Variants in MDGA2 observed in about 807,000 individuals in gnomAD.
MDGA2 encodes MAM domain containing glycosylphosphatidylinositol anchor 2, also known as MAM domain-containing glycosylphosphatidylinositol anchor protein 2.
Under a neutral mutation model 117.8 loss-of-function variants are expected in MDGA2, and 40 were observed. The observed-to-expected ratio is 0.34, with a 90% CI of 0.26 to 0.44. The LOEUF (loss-of-function observed/expected upper bound fraction) is 0.44. Among genes scored for constraint, MDGA2 ranks in the 20% least tolerant of loss-of-function variants. MDGA2 has a pLI of 1.00. For missense variants in MDGA2, 1,123 were observed against 1,250.6 expected, an observed-to-expected ratio of 0.90 and a Z score of 1.54; for synonymous variants, 452 against 439.0, an observed-to-expected ratio of 1.03 and a Z score of -0.37.
Position 47,274,262 on chromosome 14 carries a change from C to T in MDGA2, c.420+27149G>A, listed in dbSNP as rs557579453. On this transcript the variant is annotated intron_variant, in intron 2 of 16. Transcript: ENST00000399232. Reference sequence around the variant, plus strand: ...TTTCCCCAACCCCACCAGCCCTAAACGACCACTATTTACTTTATGTCTGTA... The same window carrying T: ...TTTCCCCAACCCCACCAGCCCTAAATGACCACTATTTACTTTATGTCTGTA... Among the ~76,000 whole-genome samples the T allele has an allele frequency of 3.3e-5, 5 of 152,168 alleles. No homozygotes were observed. In the South Asian group the frequency reaches 6.2e-4, roughly 19 times the overall value.
At chr14:47,627,970 G>T (rs1481532177) in intron 1 of MDGA2, among the ~76,000 whole-genome samples, 2 of 152,140 alleles carry the variant, frequency 1.3e-5, no homozygotes, top group South Asian at 4.1e-4. Flanking sequence ...AACACTCACC[G>T]TGAGGGTCCG....
intron 7 of MDGA2, among the ~76,000 whole-genome samples, chr14:47,056,920 G>A (rs565825935): frequency 8.6e-5 from 13 of 151,956 alleles, no homozygotes; most frequent in Admixed American, 2.0e-4. Context: ...GAATTATAGC[G>A]TATAGTATAT....
chr14:46,945,659 T>A (rs1885146911), intron 9 of MDGA2, among the ~76,000 whole-genome samples: 1 of 152,084 alleles, frequency 6.6e-6, no homozygotes, highest in South Asian at 2.1e-4. Flanking sequence ...TAGCCAGAAA[T>A]CCATGCTCGG....
intron 6 of MDGA2, 63 bp from the exon 7 acceptor site, chr14:47,061,641 TGTAG>T: frequency 7.7e-7 from 1 of 1,299,546 alleles, no homozygotes. Context: ...ATTCATTAAC[TGTAG>T]ATAATCATCT....
At chr14:47,303,003 G>A (rs1889332317) in intron 1 of MDGA2, among the ~76,000 whole-genome samples, 1 of 152,034 alleles carries the variant, frequency 6.6e-6, no homozygotes, top group African/African-American at 2.4e-5. Context: ...AAAATGATGG[G>A]TAAAAGTTTC....
intron 1 of MDGA2, among the ~76,000 whole-genome samples, chr14:47,480,601 T>C (rs1566477990): frequency 6.6e-6 from 1 of 152,012 alleles, no homozygotes; most frequent in Non-Finnish European, 1.5e-5. Context: ...AAAATACTAT[T>C]TTCTTGCATT....
chr14:46,851,427 C>T (rs1457400393), intron 15 of MDGA2, among the ~76,000 whole-genome samples: 1 of 151,648 alleles, frequency 6.6e-6, no homozygotes. Context: ...TGTTTTCATC[C>T]CAAGCACTGA....
intron 4 of MDGA2, among the ~76,000 whole-genome samples, chr14:47,134,111 A>G (rs934154880): frequency 8.6e-5 from 13 of 152,044 alleles, no homozygotes; most frequent in African/African-American, 2.9e-4. Context: ...AATTATTTTT[A>G]TTCACTTGTT....
At chr14:46,945,698 A>G (rs928519772) in intron 9 of MDGA2, among the ~76,000 whole-genome samples, 1 of 152,122 alleles carries the variant, frequency 6.6e-6, no homozygotes, top group Non-Finnish European at 1.5e-5. Context: ...ATGCTCATAT[A>G]CAGCAAATTC....
Position 47,061,544 on chromosome 14 carries a change from A to G in MDGA2, c.1230T>C (p.Asp410=), listed in dbSNP as rs984010068. ...LKKGRFWITP[D]PYHKDDNIQI... The stretch of plus-strand genomic sequence containing the variant: ...GGATGTTGTCATCTTTGTGATAAGG[A>G]TCTGGTGTGATCCAAAATCGTCCTT... Residue 410 remains aspartate, a synonymous_variant, in exon 7 of 17, where the codon GAT becomes GAC. Coordinates refer to ENST00000399232, the MANE Select transcript of MDGA2 (RefSeq NM_001113498.3). 6.2e-7 allele frequency: 1 copy of G among 1,611,788 alleles called. No individual in the cohort carries two copies. Among genetic ancestry groups the G allele is most frequent in the Non-Finnish European group, 8.5e-7 (1 of 1,178,584 alleles).
chr14:47,087,666 T>C (rs181411111), intron 6 of MDGA2, among the ~76,000 whole-genome samples: 10 of 152,032 alleles, frequency 6.6e-5, no homozygotes, highest in South Asian at 2.1e-4. Flanking sequence ...CTATAGATCA[T>C]TTAGTCCAAA....
At chr14:47,213,790 C>T (rs1566683903) in intron 3 of MDGA2, among the ~76,000 whole-genome samples, 2 of 151,844 alleles carry the variant, frequency 1.3e-5, no homozygotes, top group African/African-American at 4.8e-5. Flanking sequence ...ATTTTCATAC[C>T]ACTATAACTG....
In MDGA2 at chr14:46,866,780, C is replaced by G. The variant is rs559769136; in HGVS notation, c.2752+6653G>C. ...AGAAGACATTTATGCAGCCAAAAAA[C>G]ACATGAAAAAATGCTCACCATCACT... On this transcript the variant is annotated intron_variant, in intron 14 of 16. Transcript: ENST00000399232. 4.6e-5 allele frequency among the ~76,000 whole-genome samples: 7 copies of G among 151,986 alleles called. No homozygotes were observed. The South Asian group carries it at 6.2e-4, about 14-fold the overall frequency.
Position 47,087,460 on chromosome 14 carries a change from C to CAAAAA in MDGA2, c.1195+9389_1195+9393dup, listed in dbSNP as rs749371957. Among the ~76,000 whole-genome samples, 632 of 67,324 alleles carry CAAAAA rather than the reference C, an allele frequency of 9.4e-3. 7 individuals are homozygous for CAAAAA. Among genetic ancestry groups the CAAAAA allele is most frequent in the Middle Eastern group, 0.044 (4 of 90 alleles). 44.2% of individuals were successfully genotyped at this position (67,324 alleles called of 152,430 possible). On this transcript the variant is annotated intron_variant, in intron 6 of 16. Transcript: ENST00000399232. ...TAAACACAAGAGGCAGACTCCACAT[C>CAAAAA]AAAAAAAAAAAAAAAAAAAAAAAGA...
intron 1 of MDGA2, among the ~76,000 whole-genome samples, chr14:47,542,056 G>A (rs1895363709): frequency 6.6e-6 from 1 of 152,134 alleles, no homozygotes; most frequent in Admixed American, 6.5e-5. Context: ...GACTAATATA[G>A]AGACACAGAG....
chr14:47,172,644 T>C (rs1044187934), intron 3 of MDGA2, among the ~76,000 whole-genome samples: 1 of 152,100 alleles, frequency 6.6e-6, no homozygotes, highest in African/African-American at 2.4e-5. Context: ...CAAAAACCCA[T>C]CTGTACATCA....
intron 6 of MDGA2, among the ~76,000 whole-genome samples, chr14:47,089,464 C>T (rs1187178729): frequency 1.3e-5 from 2 of 152,112 alleles, no homozygotes; most frequent in Non-Finnish European, 2.9e-5. Flanking sequence ...CAGCCTCCAC[C>T]TCCTGGGTTC....
At chr14:47,042,192 C>T (rs1283224717) in intron 7 of MDGA2, among the ~76,000 whole-genome samples, 1 of 151,834 alleles carries the variant, frequency 6.6e-6, no homozygotes, top group Non-Finnish European at 1.5e-5. Context: ...ATGAAAGTTA[C>T]CCTTAGAGAA....
chr14:47,655,864 A>C (rs1233488317), intron 1 of MDGA2, among the ~76,000 whole-genome samples: 1 of 152,142 alleles, frequency 6.6e-6, no homozygotes, highest in Non-Finnish European at 1.5e-5. Flanking sequence ...CAACTGAAGA[A>C]TTAATTCCTC....
Sources: allele counts gnomAD v4.1 joint callset (sites outside exome capture counted in the v4.1 genomes callset), GRCh38; gene constraint gnomAD v4.1.1; transcripts MANE v1.5; gene names NCBI Gene and HGNC (gene_info 2026-07-23, HGNC 2026-07-21).